Variants in BUD13 observed in about 807,000 individuals in gnomAD.
The protein encoded by BUD13 is BUD13 spliceosome associated protein.
In BUD13, 47 loss-of-function variants were observed where a neutral mutation model predicts 62.5. That is an observed-to-expected ratio of 0.75 (90% CI 0.60 to 0.96). The LOEUF (loss-of-function observed/expected upper bound fraction) is 0.96. BUD13 is among the 40% of genes least tolerant of loss of function. The pLI, the probability that BUD13 is intolerant of heterozygous loss-of-function variation, is 0.00. For missense variants in BUD13, 821 were observed against 790.9 expected, an observed-to-expected ratio of 1.04 and a Z score of -0.46; for synonymous variants, 293 against 280.1, an observed-to-expected ratio of 1.05 and a Z score of -0.46.
intron 2 of BUD13, among the ~76,000 whole-genome samples, chr11:116,769,621 G>A (rs1016831896): frequency 2.0e-5 from 3 of 152,134 alleles, no homozygotes; most frequent in African/African-American, 7.2e-5. Context: ...CTAGGCTGAT[G>A]GACCCTCCAT....
intron 2 of BUD13, among the ~76,000 whole-genome samples, chr11:116,766,442 T>C (rs910845994): frequency 1.3e-5 from 2 of 152,238 alleles, no homozygotes; most frequent in Admixed American, 6.5e-5. Flanking sequence ...CCCAAAATCC[T>C]ACCATCATTC....
rs771442959 is a variant in BUD13 at position 116,762,918 on chromosome 11, T to A, written c.671A>T (p.Asp224Val). 5.6e-6 allele frequency: 9 copies of A among 1,613,684 alleles called. No homozygotes were observed. Among genetic ancestry groups the A allele is most frequent in the South Asian group, 3.3e-5 (3 of 91,060 alleles). ...SPRRVRHDSP[D>V]PSPPRRARHG... ...ACGGGCTCGCCTAGGAGGAGAGGGA[T>A]CTGGTGAATCATGACGGACTCTCCT... Residue 224 changes from aspartate (D) to valine (V), a missense_variant, in exon 4 of 10, where the codon GAT becomes GTT. Around this residue, in one of 2 missense-constraint regions of BUD13, gnomAD observed 800 missense variants for 739.2 expected, o/e 1.08. Transcript: ENST00000260210.
intron 7 of BUD13, 73 bp downstream of exon 7, chr11:116,758,196 G>A (rs1591297818): frequency 6.3e-7 from 1 of 1,578,458 alleles, no homozygotes; most frequent in African/African-American, 1.4e-5. Flanking sequence ...AAGAAAGTGA[G>A]TGATCAGAAG....
Position 116,765,426 on chromosome 11 carries a change from C to G in BUD13, c.258G>C (p.Glu86Asp). The G allele has an allele frequency of 1.2e-6, 2 of 1,614,156 alleles. No homozygotes were observed. The highest frequency in any genetic ancestry group is 1.7e-6 in the Non-Finnish European group (2 of 1,180,012). Residue 86 changes from glutamate to aspartate, a missense_variant, in exon 3 of 10, where the codon GAG becomes GAC. Transcript: ENST00000260210. ...DLPVVAEFVD[E>D]RPEEVKQMEA... ...CCATCTGCTTTACCTCTTCTGGCCG[C>G]TCATCCACAAACTCTGCCACCTGTG...
chr11:116,765,197 G>A (rs1940510171), intron 3 of BUD13, among the ~76,000 whole-genome samples, 165 bp downstream of exon 3: 1 of 152,160 alleles, frequency 6.6e-6, no homozygotes, highest in Non-Finnish European at 1.5e-5. Flanking sequence ...AAGTTCCTAT[G>A]TCTTACTACC....
chr11:116,758,075 A>G (rs1029442227), intron 7 of BUD13, 125 bp from the exon 8 acceptor site: 5 of 1,419,276 alleles, frequency 3.5e-6, no homozygotes, highest in Non-Finnish European at 4.8e-6. Context: ...AATACTGAGC[A>G]GGGTAAAATT....
At chr11:116,757,036 A>G in intron 9 of BUD13, 110 bp downstream of exon 9, 1 of 1,050,282 alleles carries the variant, frequency 9.5e-7, no homozygotes, top group Non-Finnish European at 1.4e-6. Context: ...CAAAGTGCAT[A>G]TTTTTCACCT....
At chr11:116,766,042 C>CAAAAAAAATAA (rs1193220101) in intron 2 of BUD13, among the ~76,000 whole-genome samples, 4 of 152,212 alleles carry the variant, frequency 2.6e-5, no homozygotes, top group Non-Finnish European at 5.9e-5. Context: ...CAATCCCTTC[C>CAAAAAAAATAA]TGACAAGGAA....
Position 116,770,219 on chromosome 11 carries a change from C to T in BUD13, c.147G>A (p.Met49Ile), listed in dbSNP as rs141807842. ...PKPGGAGGKG[M>I]RIVDDDVSWT... ...AGCTCACATCATCATCCACAATCCG[C>T]ATTCTAAATGAGAATAAGAAGATCA... is the stretch of plus-strand genomic sequence containing the variant. Residue 49 changes from methionine to isoleucine, a missense_variant, in exon 2 of 10, where the codon ATG becomes ATA. By Grantham distance (10) the Met-to-Ile change is conservative. Around this residue, in one of 2 missense-constraint regions of BUD13, gnomAD observed 800 missense variants for 739.2 expected, o/e 1.08. Transcript: ENST00000260210. The T allele has an allele frequency of 1.9e-6, 3 of 1,609,980 alleles. No individual in the cohort carries two copies. Among genetic ancestry groups the T allele is most frequent in the Non-Finnish European group, 2.5e-6 (3 of 1,178,462 alleles).
chr11:116,750,259 G>T (rs956321423), intron 9 of BUD13, among the ~76,000 whole-genome samples: 1 of 152,154 alleles, frequency 6.6e-6, no homozygotes, highest in South Asian at 2.1e-4. Context: ...TCAGAGAAAA[G>T]AACCAGGAGT....
chr11:116,753,885 C>A (rs61905108), intron 9 of BUD13, among the ~76,000 whole-genome samples: 4,578 of 152,120 alleles, frequency 0.03, 95 homozygotes, highest in Non-Finnish European at 0.044. Flanking sequence ...CACAAAAAAC[C>A]CAGAATACAG....
intron 6 of BUD13, 114 bp from the exon 7 acceptor site, chr11:116,758,521 C>T: frequency 1.8e-6 from 2 of 1,142,570 alleles, no homozygotes; most frequent in Non-Finnish European, 2.4e-6. Flanking sequence ...GCAGCCAGAC[C>T]AAAGTAGTTC....
intron 5 of BUD13, 40 bp downstream of exon 5, chr11:116,760,695 G>C (rs1940412860): frequency 6.3e-7 from 1 of 1,586,560 alleles, no homozygotes; most frequent in Non-Finnish European, 8.7e-7. Context: ...AGAGAGAAGA[G>C]TCACACGAAA....
At chr11:116,752,674 A>T (rs1193855841) in intron 9 of BUD13, among the ~76,000 whole-genome samples, 2 of 152,242 alleles carry the variant, frequency 1.3e-5, no homozygotes, top group African/African-American at 4.8e-5. Flanking sequence ...AAAAGCCTAC[A>T]TACAGTGAAC....
chr11:116,754,152 C>A (rs1339895573), intron 9 of BUD13, among the ~76,000 whole-genome samples: 1 of 152,170 alleles, frequency 6.6e-6, no homozygotes, highest in Non-Finnish European at 1.5e-5. Flanking sequence ...GCTCAGTGAT[C>A]CTCCCACCTC....
intron 6 of BUD13, 47 bp from the exon 7 acceptor site, chr11:116,758,454 A>C: frequency 1.2e-6 from 2 of 1,604,236 alleles, no homozygotes; most frequent in Non-Finnish European, 1.7e-6. Flanking sequence ...AATCAGAAAT[A>C]ACATTCTAAG....
rs766278757 is a variant in BUD13, at chr11:116,763,432, A to G, written c.323-166T>C. Among the ~76,000 whole-genome samples the G allele has an allele frequency of 5.3e-5, 8 of 152,314 alleles. No individual in the cohort carries two copies. The South Asian group carries it at 1.2e-3, about 24-fold the overall frequency. ...GCTTAGGGGCAGCAAACCACCACTC[A>G]TGAATATCTTAAGAATAACCCCTCC... On this transcript the variant is annotated intron_variant, in intron 3 of 9. Transcript: ENST00000260210.
chr11:116,757,946 C>A lies in BUD13; in HGVS notation c.1504G>T (p.Ala502Ser), dbSNP rs1203774112. ...TTTTGTTGCTGTTGCCGGCTCTGGG[C>A]AAGCCTGGGCAAAAAGGAACCAAGA... ...ELYAQWGKGL[A>S]QSRQQQQNVE... The change falls in exon 8 of 10, where the codon GCC becomes TCC. Residue 502 changes from alanine to serine, a missense_variant. Around this residue, in one of 2 missense-constraint regions of BUD13, gnomAD observed 800 missense variants for 739.2 expected, o/e 1.08. Transcript: ENST00000260210. 1.2e-6 allele frequency: 2 copies of A among 1,613,262 alleles called. No individual in the cohort carries two copies. The highest frequency in any genetic ancestry group is 2.2e-5 in the South Asian group (2 of 90,996).
At chr11:116,764,219 C>A (rs1490907811) in intron 3 of BUD13, among the ~76,000 whole-genome samples, 2 of 152,198 alleles carry the variant, frequency 1.3e-5, no homozygotes, top group Admixed American at 6.5e-5. Context: ...TCTTCCTCTA[C>A]CTCTATTTCT....
Sources: allele counts gnomAD v4.1 joint callset (sites outside exome capture counted in the v4.1 genomes callset), GRCh38; gene constraint gnomAD v4.1.1; regional missense constraint gnomAD v4.1.1; transcripts MANE v1.5; gene names NCBI Gene and HGNC (gene_info 2026-07-23, HGNC 2026-07-21).